PABPC4L: variants seen among roughly 807,000 people sequenced by gnomAD.
PABPC4L encodes poly(A) binding protein cytoplasmic 4 like.
For synonymous variants in PABPC4L, 169 were observed against 164.1 expected (o/e 1.03, Z -0.23); for missense variants, 452 against 451.4 (o/e 1.00, Z -0.01).
chr4:133,961,713 C>T, the PABPC4L span, among the ~76,000 whole-genome samples: 1,728 of 152,132 alleles, frequency 0.011, 34 homozygotes, highest in African/African-American at 0.039. Context: ...TTTCGCTTGC[C>T]GTCCACCACT....
chr4:133,961,391 G>C, the PABPC4L span, among the ~76,000 whole-genome samples: 7 of 152,090 alleles, frequency 4.6e-5, no homozygotes, highest in Non-Finnish European at 1.0e-4. Context: ...CCTAAGCCTA[G>C]CTGGGAAGGT....
the PABPC4L span, among the ~76,000 whole-genome samples, chr4:134,155,266 C>G: frequency 6.6e-6 from 1 of 152,124 alleles, no homozygotes; most frequent in African/African-American, 2.4e-5. Context: ...AAGTAGACTT[C>G]TTATTCAAGT....
At chr4:134,165,979 A>T in the PABPC4L span, among the ~76,000 whole-genome samples, 4 of 152,194 alleles carry the variant, frequency 2.6e-5, no homozygotes, top group African/African-American at 9.6e-5. Context: ...TTTTGTAGCA[A>T]CTTGGATGGA....
At chr4:134,134,318 A>T in the PABPC4L span, among the ~76,000 whole-genome samples, 1 of 152,036 alleles carries the variant, frequency 6.6e-6, no homozygotes, top group Non-Finnish European at 1.5e-5. Flanking sequence ...AAACAAATGT[A>T]TCCTAATATA....
At chr4:134,112,560 C>T in the PABPC4L span, among the ~76,000 whole-genome samples, 1 of 148,086 alleles carries the variant, frequency 6.8e-6, no homozygotes. Context: ...AATTACTATG[C>T]TCCACGTAAC....
In PABPC4L at chr4:134,201,259, AAG is replaced by A. The variant is rs1424863620; in HGVS notation, c.-226-16_-226-15del. 4 of 1,506,266 alleles carry A rather than the reference AAG, an allele frequency of 2.7e-6. No homozygotes were observed. The highest frequency in any genetic ancestry group is 3.6e-6 in the Non-Finnish European group (4 of 1,122,426). The allele number at this position is 1,506,266 out of a possible 1,614,324, so 93.3% of individuals were successfully genotyped here. A position where few individuals can be genotyped will look rare whatever the true frequency, so the allele number is the denominator to read the frequency against. ...GCGGCAACAGAACTGTGAAATCGCA[AAG>A]AGAGATTATTAGGACAAGACGTTCC... is the stretch of plus-strand genomic sequence containing the variant. On this transcript the variant is annotated splice_polypyrimidine_tract_variant and intron_variant, in intron 1 of 1. Coordinates refer to ENST00000421491, the MANE Select transcript of PABPC4L (RefSeq NM_001114734.2).
the PABPC4L span, among the ~76,000 whole-genome samples, chr4:134,086,653 C>T: frequency 2.0e-5 from 3 of 152,092 alleles, no homozygotes; most frequent in Non-Finnish European, 2.9e-5. Flanking sequence ...CCTCCCGCTC[C>T]ACCGTCACAG....
the PABPC4L span, among the ~76,000 whole-genome samples, chr4:134,167,291 CTGTGTGCA>C: frequency 6.6e-6 from 1 of 151,996 alleles, no homozygotes; most frequent in African/African-American, 2.4e-5. Flanking sequence ...CTGGGGGAGC[CTGTGTGCA>C]TGTGTGGTAG....
chr4:133,981,930 T>C, the PABPC4L span, among the ~76,000 whole-genome samples: 1 of 151,976 alleles, frequency 6.6e-6, no homozygotes, highest in Non-Finnish European at 1.5e-5. Context: ...AAAATAATTA[T>C]AATTCAAATC....
the PABPC4L span, among the ~76,000 whole-genome samples, chr4:134,009,181 T>A: frequency 6.6e-6 from 1 of 151,780 alleles, no homozygotes; most frequent in Non-Finnish European, 1.5e-5. Context: ...AATTTCAAAA[T>A]TAAAAATATA....
At chr4:134,052,816 G>T in the PABPC4L span, among the ~76,000 whole-genome samples, 1 of 151,940 alleles carries the variant, frequency 6.6e-6, no homozygotes, top group Non-Finnish European at 1.5e-5. Context: ...AAGAGTTTTT[G>T]GTATTTTACA....
At position 134,200,835 on chromosome 4, in the gene PABPC4L, G is replaced by T; in HGVS notation, c.185C>A (p.Ala62Asp). ...GYAYVNFLQL[A>D]DAQKALDTMN... ...TGTGTCCAGCGCCTTCTGGGCATCA[G>T]CCAGCTGCAAGAAGTTCACGTAGGC... The change falls in exon 2 of 2, where the codon GCT becomes GAT. Residue 62 changes from alanine (A) to aspartate (D), a missense_variant. Ala to Asp is a moderately radical substitution (Grantham distance 126). Coordinates refer to ENST00000421491, the MANE Select transcript of PABPC4L (RefSeq NM_001114734.2). 3 of 1,558,022 alleles carry T rather than the reference G, an allele frequency of 1.9e-6. No individual in the cohort carries two copies. The highest frequency in any genetic ancestry group is 2.6e-6 in the Non-Finnish European group (3 of 1,150,574).
At chr4:134,076,741 T>G in the PABPC4L span, among the ~76,000 whole-genome samples, 3 of 152,054 alleles carry the variant, frequency 2.0e-5, no homozygotes, top group Non-Finnish European at 2.9e-5. Context: ...TCTGGAGCTT[T>G]GAGGGGACAA....
At chr4:133,988,913 T>G in the PABPC4L span, among the ~76,000 whole-genome samples, 1 of 152,160 alleles carries the variant, frequency 6.6e-6, no homozygotes, top group South Asian at 2.1e-4. Flanking sequence ...ACCTAAATTC[T>G]TGTCTTCTGT....
chr4:134,138,565 T>C, the PABPC4L span, among the ~76,000 whole-genome samples: 1 of 151,850 alleles, frequency 6.6e-6, no homozygotes, highest in African/African-American at 2.4e-5. Flanking sequence ...TTTATATAAA[T>C]GCTTTTTCAG....
the PABPC4L span, among the ~76,000 whole-genome samples, chr4:134,029,041 T>G: frequency 6.6e-6 from 1 of 152,170 alleles, no homozygotes; most frequent in African/African-American, 2.4e-5. Flanking sequence ...TATGTAGTAA[T>G]AGCTTTGTTG....
At chr4:134,070,405 G>C in the PABPC4L span, among the ~76,000 whole-genome samples, 1 of 152,084 alleles carries the variant, frequency 6.6e-6, no homozygotes, top group Non-Finnish European at 1.5e-5. Context: ...ACCAGCAGCA[G>C]GGGTGGTGAA....
At chr4:133,982,103 T>C in the PABPC4L span, among the ~76,000 whole-genome samples, 2 of 152,014 alleles carry the variant, frequency 1.3e-5, no homozygotes, top group Non-Finnish European at 2.9e-5. Flanking sequence ...AAAAACCTTG[T>C]AAAATATAAA....
chr4:134,118,543 TTTGA>T, the PABPC4L span, among the ~76,000 whole-genome samples: 5 of 151,866 alleles, frequency 3.3e-5, no homozygotes, highest in South Asian at 2.1e-4. Context: ...TTTTATCCTG[TTTGA>T]TTGACAAATA....
Sources: allele counts gnomAD v4.1 joint callset (sites outside exome capture counted in the v4.1 genomes callset), GRCh38; gene constraint gnomAD v4.1.1; transcripts MANE v1.5; gene names NCBI Gene and HGNC (gene_info 2026-07-23, HGNC 2026-07-21).